PTPRM: variants seen among roughly 807,000 people sequenced by gnomAD.
PTPRM encodes the protein protein tyrosine phosphatase receptor type M.
PTPRM carries 47 observed loss-of-function variants against 186.7 expected under a neutral mutation model. That is an observed-to-expected ratio of 0.25 (90% confidence interval 0.20 to 0.32). PTPRM has a LOEUF of 0.32. Among genes scored for constraint, PTPRM ranks in the 10% least tolerant of loss-of-function variants. The pLI is 1.00. For synonymous variants in PTPRM, 668 were observed against 674.9 expected, an observed-to-expected ratio of 0.99 and a Z score of 0.16; for missense variants, 1,494 against 1,865.0, an observed-to-expected ratio of 0.80 and a Z score of 3.66.
chr18:7,638,723 A>G (rs2038376162), intron 1 of PTPRM, among the ~76,000 whole-genome samples: 1 of 152,188 alleles, frequency 6.6e-6, no homozygotes, highest in African/African-American at 2.4e-5. Flanking sequence ...CTAATTTTAG[A>G]TTTATTAACA....
chr18:7,650,822 T>A (rs1344880097), intron 1 of PTPRM, among the ~76,000 whole-genome samples: 8 of 151,238 alleles, frequency 5.3e-5, no homozygotes, highest in African/African-American at 1.9e-4. Context: ...AAAAAAAAAA[T>A]GAATCTAGAC....
chr18:8,231,430 G>T (rs2094285008), intron 14 of PTPRM, among the ~76,000 whole-genome samples: 2 of 152,134 alleles, frequency 1.3e-5, no homozygotes, highest in African/African-American at 4.8e-5. Flanking sequence ...GTGGCAATTT[G>T]TTCTCCTAGT....
At chr18:7,595,645 G>GA in intron 1 of PTPRM, among the ~76,000 whole-genome samples, 1 of 152,294 alleles carries the variant, frequency 6.6e-6, no homozygotes, top group African/African-American at 2.4e-5. Flanking sequence ...ATTAAAAGCA[G>GA]AAAGTCGTGG....
intron 7 of PTPRM, among the ~76,000 whole-genome samples, chr18:8,066,604 G>A (rs2089102935): frequency 6.6e-6 from 1 of 152,174 alleles, no homozygotes; most frequent in African/African-American, 2.4e-5. Context: ...CAGAACTACA[G>A]ACCATAGTCA....
At chr18:7,813,841 C>G (rs559739024) in intron 2 of PTPRM, among the ~76,000 whole-genome samples, 1 of 151,784 alleles carries the variant, frequency 6.6e-6, no homozygotes, top group African/African-American at 2.4e-5. Context: ...ATTTATTCTT[C>G]AGCTGTATCC....
intron 13 of PTPRM, among the ~76,000 whole-genome samples, chr18:8,135,413 G>T (rs1038252934): frequency 1.3e-5 from 2 of 152,066 alleles, no homozygotes; most frequent in South Asian, 2.1e-4. Context: ...TCTAGAGTTG[G>T]TTTTTTCTCC....
In PTPRM at chr18:7,652,899, ATAC is replaced by A. The variant is rs201151653; in HGVS notation, c.73+85026_73+85028del. ...GCACATGTACCCTAAAACTTAAAGT[ATAC>A]TACTACTACTACTACTAATAAAAAA... On this transcript the variant is annotated intron_variant, in intron 1 of 32. Transcript: ENST00000580170. Among the ~76,000 whole-genome samples the A allele has an allele frequency of 5.5e-3, 831 of 151,962 alleles. 11 individuals are homozygous for A. Among genetic ancestry groups the A allele is most frequent in the African/African-American group, 0.015 (639 of 41,462 alleles).
chr18:7,716,561 G>A (rs373604756), intron 1 of PTPRM, among the ~76,000 whole-genome samples: 5 of 152,262 alleles, frequency 3.3e-5, no homozygotes, highest in Admixed American at 6.5e-5. Context: ...TCCAGAATGC[G>A]AGAAAATTTT....
chr18:7,959,562 C>G (rs1332146569), intron 7 of PTPRM, among the ~76,000 whole-genome samples: 6 of 152,176 alleles, frequency 3.9e-5, no homozygotes, highest in Non-Finnish European at 7.3e-5. Flanking sequence ...TGGATTTCTG[C>G]AAGGATTGTA....
chr18:8,155,325 C>A (rs993383881), intron 14 of PTPRM, among the ~76,000 whole-genome samples: 6 of 152,026 alleles, frequency 3.9e-5, no homozygotes, highest in Non-Finnish European at 5.9e-5. Flanking sequence ...AATTTGAGAA[C>A]ATTTGTATTA....
intron 32 of PTPRM, among the ~76,000 whole-genome samples, chr18:8,405,771 C>T (rs562525269): frequency 7.5e-4 from 115 of 152,344 alleles, no homozygotes; most frequent in African/African-American, 2.6e-3. Flanking sequence ...GCACTCGTTA[C>T]TTTCTCTTCT....
intron 21 of PTPRM, among the ~76,000 whole-genome samples, chr18:8,318,799 AC>A: frequency 6.6e-6 from 1 of 152,360 alleles, no homozygotes; most frequent in African/African-American, 2.4e-5. Flanking sequence ...TGTGTGTTAA[AC>A]CCTTGGCATA....
intron 7 of PTPRM, among the ~76,000 whole-genome samples, chr18:7,977,467 C>T (rs1263761566): frequency 6.6e-6 from 1 of 152,046 alleles, no homozygotes; most frequent in Non-Finnish European, 1.5e-5. Flanking sequence ...GCAGAGGCAC[C>T]GATGGCCTTT....
chr18:7,672,798 T>C (rs1273945242), intron 1 of PTPRM, among the ~76,000 whole-genome samples: 2 of 151,854 alleles, frequency 1.3e-5, no homozygotes, highest in Admixed American at 6.6e-5. Flanking sequence ...CTGTGTAGAG[T>C]TGGGCAGGCT....
intron 13 of PTPRM, among the ~76,000 whole-genome samples, chr18:8,135,212 C>T (rs1010485648): frequency 1.3e-5 from 2 of 152,114 alleles, no homozygotes; most frequent in Non-Finnish European, 2.9e-5. Context: ...GATTTGATTC[C>T]ACCACGTTTG....
chr18:8,371,703 A>T (rs912799532), intron 24 of PTPRM: 1 of 152,516 alleles, frequency 6.6e-6, no homozygotes, highest in East Asian at 1.9e-4. Context: ...CTTCTCTGGG[A>T]TGCACTGTAG....
intron 2 of PTPRM, among the ~76,000 whole-genome samples, chr18:7,793,888 G>A (rs1322697681): frequency 6.6e-6 from 1 of 152,136 alleles, no homozygotes; most frequent in Non-Finnish European, 1.5e-5. Context: ...GAAAACATTA[G>A]TGGAGGAAGA....
At chr18:7,660,557 C>T (rs553973053) in intron 1 of PTPRM, among the ~76,000 whole-genome samples, 9 of 152,276 alleles carry the variant, frequency 5.9e-5, no homozygotes, top group African/African-American at 2.2e-4. Context: ...CTCCGGGAGT[C>T]TGCTGGATTG....
chr18:7,868,395 T>C (rs566027049), intron 2 of PTPRM, among the ~76,000 whole-genome samples: 1 of 152,212 alleles, frequency 6.6e-6, no homozygotes, highest in Non-Finnish European at 1.5e-5. Context: ...GATGTCCTTT[T>C]TGTTGATGTT....
Sources: gnomAD v4.1 joint callset for allele counts (sites outside exome capture counted in the v4.1 genomes callset) on GRCh38, gnomAD v4.1.1 for gene constraint, MANE v1.5 for transcripts, NCBI Gene and HGNC (gene_info 2026-07-23, HGNC 2026-07-21) for gene names.